Variants in ARHGEF10 observed in about 807,000 individuals in gnomAD.
The protein encoded by ARHGEF10 is Rho guanine nucleotide exchange factor 10.
A neutral mutation model predicts 147.4 loss-of-function variants in ARHGEF10; 140 were observed. The ratio of observed to expected loss-of-function variants is 0.95; its 90% CI spans 0.83 to 1.09. ARHGEF10 has a LOEUF of 1.09. ARHGEF10 is among the 50% of genes least tolerant of loss of function. The pLI is 0.00. For missense variants in ARHGEF10, 2,222 were observed against 1,752.7 expected, an observed-to-expected ratio of 1.27 and a Z score of -4.78; for synonymous variants, 902 against 695.8, an observed-to-expected ratio of 1.30 and a Z score of -4.67.
At chr8:1,857,722 G>T (rs368792838) in intron 2 of ARHGEF10, among the ~76,000 whole-genome samples, 1 of 151,800 alleles carries the variant, frequency 6.6e-6, no homozygotes, top group South Asian at 2.1e-4. Flanking sequence ...CCAGCCTCTT[G>T]TTTCTTCTCT....
intron 1 of ARHGEF10, among the ~76,000 whole-genome samples, chr8:1,829,521 C>G (rs1225079965): frequency 6.6e-6 from 1 of 152,178 alleles, no homozygotes; most frequent in African/African-American, 2.4e-5. Context: ...TCAGCAGGCC[C>G]GTGGGAAGCA....
chr8:1,869,291 A>C, intron 7 of ARHGEF10, 41 bp downstream of exon 7: 1 of 1,568,644 alleles, frequency 6.4e-7, no homozygotes, highest in Non-Finnish European at 8.8e-7. Flanking sequence ...GATTCAGCTC[A>C]GCAGCCTTTC....
intron 8 of ARHGEF10, among the ~76,000 whole-genome samples, chr8:1,879,167 G>A (rs755396692): frequency 3.9e-5 from 6 of 152,148 alleles, no homozygotes; most frequent in Non-Finnish European, 8.8e-5. Flanking sequence ...GAAATGCCCC[G>A]AGACGAGCCA....
In ARHGEF10 at chr8:1,913,790, G is replaced by T. The variant is rs562465943; in HGVS notation, c.2143+4320G>T. ...GAAGCGTGTCCTGAGTGCCAGGAGTGCTTCTGTACAGTTGAGCTGGATATG... is the reference window on the plus strand; with the variant it reads ...GAAGCGTGTCCTGAGTGCCAGGAGTTCTTCTGTACAGTTGAGCTGGATATG... On this transcript the variant is annotated intron_variant, in intron 18 of 28. Transcript: ENST00000349830. Among the ~76,000 whole-genome samples, 6 of 152,342 alleles carry T rather than the reference G, an allele frequency of 3.9e-5. No individual in the cohort carries two copies. The South Asian group carries it at 6.2e-4, about 16-fold the overall frequency.
At chr8:1,884,069 C>A (rs60187111) in intron 10 of ARHGEF10, among the ~76,000 whole-genome samples, 1 of 151,890 alleles carries the variant, frequency 6.6e-6, no homozygotes, top group African/African-American at 2.4e-5. Flanking sequence ...TACTCTTTTG[C>A]GGGTCAGTTG....
In ARHGEF10 at chr8:1,936,847, T is replaced by G. The variant is rs571662401; in HGVS notation, c.3222+2905T>G. ...GGAAAGTGGCTCCTGAGCTGCCACG[T>G]GGACACCGCTTTGGCTTGCAGCACA... On this transcript the variant is annotated intron_variant, in intron 26 of 28. Coordinates refer to ENST00000349830, the MANE Select transcript of ARHGEF10 (RefSeq NM_014629.4). 4.1e-4 allele frequency among the ~76,000 whole-genome samples: 62 copies of G among 152,346 alleles called. 1 individual carries two copies. The highest frequency in any genetic ancestry group is 1.2e-3 in the African/African-American group (51 of 41,582).
intron 2 of ARHGEF10, among the ~76,000 whole-genome samples, chr8:1,851,397 C>T (rs1239785970): frequency 6.6e-6 from 1 of 151,830 alleles, no homozygotes; most frequent in Non-Finnish European, 1.5e-5. Context: ...ACAGAAGGCA[C>T]AGCACCAGGA....
intron 4 of ARHGEF10, among the ~76,000 whole-genome samples, chr8:1,861,920 C>T (rs1025546488): frequency 6.6e-6 from 1 of 152,178 alleles, no homozygotes; most frequent in Non-Finnish European, 1.5e-5. Context: ...AAAATAATTG[C>T]ATATCATTTA....
intron 7 of ARHGEF10, chr8:1,869,482 CAG>C: frequency 1.6e-6 from 1 of 644,376 alleles, no homozygotes; most frequent in Non-Finnish European, 2.8e-6. Flanking sequence ...CCCAAGCAAA[CAG>C]AGGAGTAAAG....
rs374591929 is a variant in ARHGEF10 at position 1,896,415 on chromosome 8, G to C, written c.1523G>C (p.Cys508Ser). ...STAVAVLKKT[C>S]ATKPAFLEFL... ...GCCGTGGCAGTCCTCAAGAAAACAT[G>C]TGCCACAAAGCCCGCTTTTCTTGAA... Residue 508 changes from cysteine (C) to serine (S), a missense_variant, in exon 14 of 29, where the codon TGT becomes TCT. Cys to Ser is a moderately radical substitution (Grantham distance 112, BLOSUM62 -1). Coordinates refer to ENST00000349830, the MANE Select transcript of ARHGEF10 (RefSeq NM_014629.4). 8.1e-6 allele frequency: 13 copies of C among 1,613,704 alleles called. No homozygotes were observed. Among genetic ancestry groups the C allele is most frequent in the South Asian group, 1.1e-5 (1 of 91,024 alleles).
At chr8:1,828,145 A>G (rs1802877509) in intron 1 of ARHGEF10, among the ~76,000 whole-genome samples, 2 of 152,218 alleles carry the variant, frequency 1.3e-5, no homozygotes, top group African/African-American at 4.8e-5. Flanking sequence ...CCTTTTCGGC[A>G]CCAGGTGAGT....
At chr8:1,837,954 A>T (rs1243941600) in intron 1 of ARHGEF10, among the ~76,000 whole-genome samples, 1 of 152,194 alleles carries the variant, frequency 6.6e-6, no homozygotes, top group African/African-American at 2.4e-5. Flanking sequence ...GTTTCCTCAC[A>T]GGTGCTCACA....
intron 28 of ARHGEF10, among the ~76,000 whole-genome samples, chr8:1,954,497 T>C (rs1193242526): frequency 1.3e-5 from 2 of 151,944 alleles, no homozygotes; most frequent in Non-Finnish European, 2.9e-5. Flanking sequence ...AAAACACTTG[T>C]GGTCCCAAGA....
intron 17 of ARHGEF10, 24 bp downstream of exon 17, chr8:1,905,740 T>C: frequency 6.2e-7 from 1 of 1,611,614 alleles, no homozygotes. Context: ...TTCTCTATAG[T>C]AGTCCTACCA....
In ARHGEF10 at chr8:1,864,401, G is replaced by C. The variant is rs767929304; in HGVS notation, c.510G>C (p.Gln170His). 2 of 1,614,124 alleles carry C rather than the reference G, an allele frequency of 1.2e-6. No individual in the cohort carries two copies. The highest frequency in any genetic ancestry group is 3.3e-5 in the Admixed American group (2 of 60,028). Residue 170 changes from glutamine to histidine, a missense_variant, in exon 5 of 29, where the codon CAG (glutamine) becomes CAC (histidine). Gln to His is a conservative substitution (Grantham distance 24). Transcript: ENST00000349830. ...EETPEVTEDR[Q>H]PNSLSSEEPP... ...CACCAGAAGTCACAGAAGATCGCCAGCCCAATTCTCTGAGTTCCGAGGAGC... is the reference window on the plus strand; with the variant it reads ...CACCAGAAGTCACAGAAGATCGCCACCCCAATTCTCTGAGTTCCGAGGAGC...
In ARHGEF10 at chr8:1,925,380, G is replaced by A; in HGVS notation, c.2586G>A (p.Met862Ile). 6.2e-7 allele frequency: 1 copy of A among 1,614,176 alleles called. No homozygotes were observed. Among genetic ancestry groups the A allele is most frequent in the South Asian group, 1.1e-5 (1 of 91,082 alleles). The change falls in exon 22 of 29, where the codon ATG (methionine) becomes ATA (isoleucine). Residue 862 changes from methionine to isoleucine, a missense_variant. Met to Ile is a conservative substitution (Grantham distance 10). Transcript: ENST00000349830. ...HPLLVGHMPV[M>I]VAKQQEFKIE... ...TCCTCGTCGGACACATGCCCGTGAT[G>A]GTGGCCAAGCAGCAGGAGTTCAAGG...
At chr8:1,944,193 T>G (rs1454810438) in intron 26 of ARHGEF10, among the ~76,000 whole-genome samples, 1 of 150,490 alleles carries the variant, frequency 6.6e-6, no homozygotes, top group Non-Finnish European at 1.5e-5. Flanking sequence ...GCTACCTCCC[T>G]GGGGACCCCA....
At chr8:1,906,592 C>T (rs1031565534) in intron 17 of ARHGEF10, among the ~76,000 whole-genome samples, 1 of 152,146 alleles carries the variant, frequency 6.6e-6, no homozygotes, top group Non-Finnish European at 1.5e-5. Flanking sequence ...CCTTAGAGAC[C>T]CAGGCAGCGA....
intron 18 of ARHGEF10, among the ~76,000 whole-genome samples, chr8:1,917,021 G>T (rs1811808532): frequency 1.3e-5 from 2 of 152,218 alleles, no homozygotes; most frequent in African/African-American, 4.8e-5. Flanking sequence ...CATTTAAACT[G>T]ACTACAGGAC....
Sources: gnomAD v4.1 joint callset for allele counts (sites outside exome capture counted in the v4.1 genomes callset) on GRCh38, gnomAD v4.1.1 for gene constraint, MANE v1.5 for transcripts, NCBI Gene and HGNC (gene_info 2026-07-23, HGNC 2026-07-21) for gene names.